The following HNRNPCL1 variants were observed in gnomAD, a reference collection of about 807,000 sequenced individuals.
The protein encoded by HNRNPCL1 is heterogeneous nuclear ribonucleoprotein C-like 1.
HNRNPCL1 carries 15 observed loss-of-function variants against 19.0 expected under a neutral mutation model. The observed-to-expected ratio is 0.79, with a 90% CI of 0.53 to 1.22. The LOEUF is 1.22. Ranked by LOEUF, HNRNPCL1 falls within the 50% of genes most tolerant of loss-of-function variation. The pLI is 0.00. For missense variants in HNRNPCL1, 327 were observed against 354.7 expected (o/e 0.92, Z 0.63); for synonymous variants, 110 against 129.1 (o/e 0.85, Z 1.00).
At position 12,848,102 on chromosome 1, in the gene HNRNPCL1, G is replaced by T. The variant is rs1204692253; in HGVS notation, c.188C>A (p.Ala63Asp). ...ATCCTCTCCTGCTACAGCAGCCCGG[G>T]CATTTTTCTCCTTATCATATTGAAC... ...AFVQYDKEKNARAAVAGEDGR... is the reference protein window; with the variant it reads ...AFVQYDKEKNDRAAVAGEDGR... Residue 63 changes from alanine to aspartate, a missense_variant, in exon 2 of 2, where the codon GCC (alanine) becomes GAC (aspartate). This residue lies in a region of HNRNPCL1 where 46 missense variants were observed against 100.0 expected (regional missense o/e 0.46). Transcript: ENST00000317869. 1.2e-6 allele frequency: 2 copies of T among 1,604,062 alleles called. No homozygotes were observed. Among genetic ancestry groups the T allele is most frequent in the Non-Finnish European group, 1.7e-6 (2 of 1,175,400 alleles).
rs760759794 is a variant in HNRNPCL1 at position 12,847,397 on chromosome 1, C to G, written c.*11G>C. The G allele has an allele frequency of 6.2e-7, 1 of 1,606,092 alleles. No individual in the cohort carries two copies. The highest frequency in any genetic ancestry group is 8.5e-7 in the Non-Finnish European group (1 of 1,176,192). On this transcript the variant is annotated 3_prime_UTR_variant, in exon 2 of 2. Coordinates refer to ENST00000317869, the MANE Select transcript of HNRNPCL1 (RefSeq NM_001013631.3). ...AACAATGGGATAAGATTTCTCAACC[C>G]CACTATGTGCTTAAGAGTCATCCTG...
Position 12,848,439 on chromosome 1 carries a change from G to A in HNRNPCL1, c.-150C>T, listed in dbSNP as rs1355155704. The A allele has an allele frequency of 2.9e-5, 31 of 1,080,344 alleles. No homozygotes were observed. The highest frequency in any genetic ancestry group is 1.9e-4 in the South Asian group (10 of 52,558). The allele number at this position is 1,080,344 out of a possible 1,614,324, so 66.9% of individuals were successfully genotyped here. On this transcript the variant is annotated 5_prime_UTR_variant, in exon 2 of 2. The change creates a new upstream start codon in the 5' untranslated region. Transcript: ENST00000317869. ...ATGCAGCCAAAACAGCTCAGTCTTC[G>A]TCTCTTCACAAAATGGCTCCCAACA...
chr1:12,847,738 C>T lies in HNRNPCL1; in HGVS notation c.552G>A (p.Lys184=). Residue 184 remains lysine, a synonymous_variant, in exon 2 of 2, where the codon AAG becomes AAA. Coordinates refer to ENST00000317869, the MANE Select transcript of HNRNPCL1 (RefSeq NM_001013631.3). The part of the protein sequence containing the change: ...KLKGDDLQAI[K]QELTQIKQKV... ...TCTGTTTTATCTGGGTCAACTCCTG[C>T]TTAATGGCCTGAAGGTCATCACCTT... The T allele has an allele frequency of 6.2e-7, 1 of 1,606,784 alleles. No individual in the cohort carries two copies. Among genetic ancestry groups the T allele is most frequent in the Non-Finnish European group, 8.5e-7 (1 of 1,176,622 alleles).
Position 12,847,562 on chromosome 1 carries a change from C to G in HNRNPCL1, c.728G>C (p.Gly243Ala). 1 of 1,606,260 alleles carries G rather than the reference C, an allele frequency of 6.2e-7. No homozygotes were observed. Among genetic ancestry groups the G allele is most frequent in the African/African-American group, 1.3e-5 (1 of 74,276 alleles). The part of the protein sequence containing the change: ...ETHVKMESEG[G>A]AEDSAEEGDP... ...CCCCTCCTCAGCAGAGTCTTCTGCA[C>G]CCCCCTCAGACTCCATCTTCACATG... Residue 243 changes from glycine (G) to alanine (A), a missense_variant, in exon 2 of 2, where the codon GGT (glycine) becomes GCT (alanine). Physicochemically the swap from Gly to Ala is moderately conservative, Grantham distance 60. Coordinates refer to ENST00000317869, the MANE Select transcript of HNRNPCL1 (RefSeq NM_001013631.3).
chr1:12,848,119 A>C lies in HNRNPCL1; in HGVS notation c.171T>G (p.Tyr57Ter), dbSNP rs755212288. The C allele has an allele frequency of 1.9e-6, 3 of 1,601,942 alleles. No individual in the cohort carries two copies. The highest frequency in any genetic ancestry group is 2.6e-6 in the Non-Finnish European group (3 of 1,174,406). The change falls in exon 2 of 2, where the codon TAT becomes TAG. Residue 57 changes from tyrosine to a stop codon, truncating the protein, a stop_gained. Coordinates refer to ENST00000317869, the MANE Select transcript of HNRNPCL1 (RefSeq NM_001013631.3). LOFTEE classifies it high-confidence loss of function. The part of the protein sequence containing the change: ...SVHKGFAFVQ[Y>*]DKEKNARAAV... ...CAGCCCGGGCATTTTTCTCCTTATCATATTGAACGAAGGCAAAGCCCTTAT... is the reference window on the plus strand; with the variant it reads ...CAGCCCGGGCATTTTTCTCCTTATCCTATTGAACGAAGGCAAAGCCCTTAT...
Position 12,848,367 on chromosome 1 carries a change from A to G in HNRNPCL1, c.-78T>C. The stretch of plus-strand genomic sequence containing the variant: ...GAAGAGATTCGATTCTAAGTCTCCT[A>G]CTGCCGGGTTCTACGGGGAGAAACT... On this transcript the variant is annotated 5_prime_UTR_variant, in exon 2 of 2. Coordinates refer to ENST00000317869, the MANE Select transcript of HNRNPCL1 (RefSeq NM_001013631.3). 2 of 1,455,840 alleles carry G rather than the reference A, an allele frequency of 1.4e-6. No homozygotes were observed. Among genetic ancestry groups the G allele is most frequent in the Non-Finnish European group, 1.8e-6 (2 of 1,096,296 alleles). The allele number at this position is 1,455,840 out of a possible 1,614,324, so 90.2% of individuals were successfully genotyped here.
Position 12,847,532 on chromosome 1 carries a change from G to A in HNRNPCL1, c.758C>T (p.Pro253Leu), listed in dbSNP as rs150590256. The A allele has an allele frequency of 6.2e-7, 1 of 1,606,412 alleles. No individual in the cohort carries two copies. Among genetic ancestry groups the A allele is most frequent in the East Asian group, 2.2e-5 (1 of 44,670 alleles). ...GAEDSAEEGD[P>L]LDDDVNEDQG... ...ATCTTCATTAACATCATCATCCAGT[G>A]GGTCCCCCTCCTCAGCAGAGTCTTC... Residue 253 changes from proline (P) to leucine (L), a missense_variant, in exon 2 of 2, where the codon CCA becomes CTA. By Grantham distance (98) the Pro-to-Leu change is moderately conservative. Coordinates refer to ENST00000317869, the MANE Select transcript of HNRNPCL1 (RefSeq NM_001013631.3).
At position 12,847,934 on chromosome 1, in the gene HNRNPCL1, T is replaced by C. The variant is rs756987800; in HGVS notation, c.356A>G (p.Tyr119Cys). ...TGGGAAACTGTACATTCCATCATAA[T>C]AATCCCGTTGAAAGCCATAGTCCAA... ...FDLDYGFQRD[Y>C]YDGMYSFPAR... The change falls in exon 2 of 2, where the codon TAT (tyrosine) becomes TGT (cysteine). Residue 119 changes from tyrosine (Y) to cysteine (C), a missense_variant. Physicochemically the swap from Tyr to Cys is radical, Grantham distance 194. Transcript: ENST00000317869. The C allele has an allele frequency of 6.2e-7, 1 of 1,607,012 alleles. No homozygotes were observed. Among genetic ancestry groups the C allele is most frequent in the East Asian group, 2.2e-5 (1 of 44,774 alleles).
Position 12,848,211 on chromosome 1 carries a change from C to G in HNRNPCL1, c.79G>C (p.Val27Leu). 7.6e-6 allele frequency: 12 copies of G among 1,570,934 alleles called. No individual in the cohort carries two copies. Among genetic ancestry groups the G allele is most frequent in the Non-Finnish European group, 1.0e-5 (12 of 1,156,272 alleles). Residue 27 changes from valine (V) to leucine (L), a missense_variant, in exon 2 of 2, where the codon GTT becomes CTT. Val to Leu is a conservative substitution (Grantham distance 32). Around this residue, in one of 2 missense-constraint regions of HNRNPCL1, gnomAD observed 46 missense variants for 100.0 expected, o/e 0.46. Coordinates refer to ENST00000317869, the MANE Select transcript of HNRNPCL1 (RefSeq NM_001013631.3). The stretch of plus-strand genomic sequence containing the variant: ...GCCTCCACATCCGATTTCTTGACAA[C>G]AAGAGTGTTGAGATTCCCAATGAAC... ...RVFIGNLNTL[V>L]VKKSDVEAIF...
chr1:12,848,363 T>C lies in HNRNPCL1; in HGVS notation c.-74A>G. On this transcript the variant is annotated 5_prime_UTR_variant, in exon 2 of 2. Coordinates refer to ENST00000317869, the MANE Select transcript of HNRNPCL1 (RefSeq NM_001013631.3). ...GGGAGAAGAGATTCGATTCTAAGTC[T>C]CCTACTGCCGGGTTCTACGGGGAGA... is the stretch of plus-strand genomic sequence containing the variant. The C allele has an allele frequency of 1.4e-6, 2 of 1,450,176 alleles. No homozygotes were observed. The highest frequency in any genetic ancestry group is 2.9e-5 in the African/African-American group (2 of 68,714). 89.8% of individuals were successfully genotyped at this position (1,450,176 alleles called of 1,614,324 possible).
Position 12,847,505 on chromosome 1 carries a change from T to C in HNRNPCL1, c.785A>G (p.Gln262Arg), listed in dbSNP as rs74587302. The change falls in exon 2 of 2, where the codon CAG (glutamine) becomes CGG (arginine). Residue 262 changes from glutamine to arginine, a missense_variant. Coordinates refer to ENST00000317869, the MANE Select transcript of HNRNPCL1 (RefSeq NM_001013631.3). ...DPLDDDVNED[Q>R]GDDQLELIKD... ...GATCAACTCCAGCTGGTCATCCCCC[T>C]GATCTTCATTAACATCATCATCCAG... is the stretch of plus-strand genomic sequence containing the variant. 2 of 1,600,602 alleles carry C rather than the reference T, an allele frequency of 1.2e-6. 1 individual carries two copies. The highest frequency in any genetic ancestry group is 2.2e-5 in the South Asian group (2 of 90,412).
Position 12,847,444 on chromosome 1 carries a change from A to G in HNRNPCL1, c.846T>C (p.Asp282=), listed in dbSNP as rs747475453. 3.1e-6 allele frequency: 5 copies of G among 1,606,306 alleles called. No homozygotes were observed. The highest frequency in any genetic ancestry group is 2.2e-5 in the South Asian group (2 of 90,460). Residue 282 remains aspartate (D), a synonymous_variant, in exon 2 of 2, where the codon GAT becomes GAC. Coordinates refer to ENST00000317869, the MANE Select transcript of HNRNPCL1 (RefSeq NM_001013631.3). ...DDEKEAEEGE[D]DRDSTNGQDD... ...CCTGGCCATTGGTGCTGTCTCTGTC[A>G]TCCTCTCCTTCCTCAGCCTCTTTTT...
rs189811978 is a variant in HNRNPCL1, at chr1:12,847,862, G to A, written c.428C>T (p.Ser143Leu). The change falls in exon 2 of 2, where the codon TCG (serine) becomes TTG (leucine). Residue 143 changes from serine (S) to leucine (L), a missense_variant. Transcript: ENST00000317869. ...PPPIALAVVP[S>L]KRQRLSGNTS... ...GTTTCCTGATAGACGTTGACGTTTC[G>A]AGGGCACTACAGCCAGAGCAATGGG... 6.8e-6 allele frequency: 11 copies of A among 1,606,296 alleles called. 1 individual carries two copies. The highest frequency in any genetic ancestry group is 4.0e-5 in the African/African-American group (3 of 74,182).
Position 12,847,487 on chromosome 1 carries a change from T to A in HNRNPCL1, c.803A>T (p.Glu268Val), listed in dbSNP as rs934962311. The A allele has an allele frequency of 1.2e-6, 2 of 1,606,560 alleles. No individual in the cohort carries two copies. The highest frequency in any genetic ancestry group is 1.3e-5 in the African/African-American group (1 of 74,146). The change falls in exon 2 of 2, where the codon GAG (glutamate) becomes GTG (valine). Residue 268 changes from glutamate to valine, a missense_variant. Coordinates refer to ENST00000317869, the MANE Select transcript of HNRNPCL1 (RefSeq NM_001013631.3). Reference protein sequence around the residue: ...VNEDQGDDQLELIKDDEKEAE... With the variant: ...VNEDQGDDQLVLIKDDEKEAE... The stretch of plus-strand genomic sequence containing the variant: ...CTCTTTTTCATCATCCTTGATCAAC[T>A]CCAGCTGGTCATCCCCCTGATCTTC...
In HNRNPCL1 at chr1:12,847,586, T is replaced by C. The variant is rs184489186; in HGVS notation, c.704A>G (p.His235Arg). 6.2e-6 allele frequency: 10 copies of C among 1,606,672 alleles called. No homozygotes were observed. The highest frequency in any genetic ancestry group is 7.6e-6 in the Non-Finnish European group (9 of 1,176,598). Residue 235 changes from histidine to arginine, a missense_variant, in exon 2 of 2, where the codon CAT becomes CGT. By Grantham distance (29) the His-to-Arg change is conservative. This residue lies in a region of HNRNPCL1 where 281 missense variants were observed against 254.7 expected (regional missense o/e 1.10). Transcript: ENST00000317869. ...ACCCCCCTCAGACTCCATCTTCACA[T>C]GAGTCTCATCTTTCTTCATGGAGCT... ...SSSSMKKDET[H>R]VKMESEGGAE... is the part of the protein sequence containing the mutation.
rs78163065 is a variant in HNRNPCL1 at position 12,847,596 on chromosome 1, C to G, written c.694G>C (p.Asp232His). Residue 232 changes from aspartate (D) to histidine (H), a missense_variant, in exon 2 of 2, where the codon GAT becomes CAT. Coordinates refer to ENST00000317869, the MANE Select transcript of HNRNPCL1 (RefSeq NM_001013631.3). ...EEQSSSSMKK[D>H]ETHVKMESEG... is the part of the protein sequence containing the mutation. ...GACTCCATCTTCACATGAGTCTCAT[C>G]TTTCTTCATGGAGCTACTGCTCTGC... is the stretch of plus-strand genomic sequence containing the variant. 0.046 allele frequency: 73,591 copies of G among 1,590,442 alleles called. 1,376 individuals carry two copies. The highest frequency in any genetic ancestry group is 0.22 in the East Asian group (9,435 of 43,792).
At position 12,847,880 on chromosome 1, in the gene HNRNPCL1, G is replaced by A; in HGVS notation, c.410C>T (p.Ala137Val). 6.2e-7 allele frequency: 1 copy of A among 1,606,622 alleles called. No individual in the cohort carries two copies. Among genetic ancestry groups the A allele is most frequent in the Non-Finnish European group, 8.5e-7 (1 of 1,176,562 alleles). ...PARVPPPPPI[A>V]LAVVPSKRQR... ...ACGTTTCGAGGGCACTACAGCCAGA[G>A]CAATGGGAGGAGGAGGAGGTACACG... The change falls in exon 2 of 2, where the codon GCT (alanine) becomes GTT (valine). Residue 137 changes from alanine (A) to valine (V), a missense_variant. By Grantham distance (64) the Ala-to-Val change is moderately conservative (BLOSUM62 0). Around this residue, in one of 2 missense-constraint regions of HNRNPCL1, gnomAD observed 281 missense variants for 254.7 expected, o/e 1.10. Coordinates refer to ENST00000317869, the MANE Select transcript of HNRNPCL1 (RefSeq NM_001013631.3).
chr1:12,848,480 T>G lies in HNRNPCL1; in HGVS notation c.-181-10A>C. 1 of 1,029,522 alleles carries G rather than the reference T, an allele frequency of 9.7e-7. No homozygotes were observed. Among genetic ancestry groups the G allele is most frequent in the Non-Finnish European group, 1.4e-6 (1 of 732,644 alleles). 63.8% of individuals were successfully genotyped at this position (1,029,522 alleles called of 1,614,324 possible). On this transcript the variant is annotated splice_polypyrimidine_tract_variant and intron_variant, in intron 1 of 1. Coordinates refer to ENST00000317869, the MANE Select transcript of HNRNPCL1 (RefSeq NM_001013631.3). ...GCTCCCAACAAGAATTCTGAAATGATGTAAAGAAAAGCACAACAACATTTT... is the reference window on the plus strand; with the variant it reads ...GCTCCCAACAAGAATTCTGAAATGAGGTAAAGAAAAGCACAACAACATTTT...
rs115476478 is a variant in HNRNPCL1 at position 12,847,585 on chromosome 1, A to T, written c.705T>A (p.His235Gln). The change falls in exon 2 of 2, where the codon CAT becomes CAA. Residue 235 changes from histidine (H) to glutamine (Q), a missense_variant. Coordinates refer to ENST00000317869, the MANE Select transcript of HNRNPCL1 (RefSeq NM_001013631.3). ...CACCCCCCTCAGACTCCATCTTCAC[A>T]TGAGTCTCATCTTTCTTCATGGAGC... ...SSSSMKKDET[H>Q]VKMESEGGAE... is the part of the protein sequence containing the mutation. The T allele has an allele frequency of 6.2e-7, 1 of 1,606,246 alleles. No homozygotes were observed.
Sources: gnomAD v4.1 joint callset for allele counts on GRCh38, gnomAD v4.1.1 for gene constraint, gnomAD v4.1.1 regional missense constraint, MANE v1.5 for transcripts, NCBI Gene and HGNC (gene_info 2026-07-23, HGNC 2026-07-21) for gene names.